Variants in CSTF2T observed in about 807,000 individuals in gnomAD.
CSTF2T encodes cleavage stimulation factor subunit 2 tau variant.
In CSTF2T, 18 loss-of-function variants were observed where a neutral mutation model predicts 39.9. That is an observed-to-expected ratio of 0.45 (90% confidence interval 0.31 to 0.67). The LOEUF is 0.67. Among genes scored for constraint, CSTF2T ranks in the 30% least tolerant of loss-of-function variants. The pLI, the probability that CSTF2T is intolerant of heterozygous loss-of-function variation, is 0.06. For missense variants in CSTF2T, 681 were observed against 789.0 expected (o/e 0.86, Z 1.64); for synonymous variants, 291 against 276.4 (o/e 1.05, Z -0.52).
chr10:51,698,269 G>T lies in CSTF2T; in HGVS notation c.1281C>A (p.Val427=). The T allele has an allele frequency of 1.9e-6, 3 of 1,613,954 alleles. No homozygotes were observed. Among genetic ancestry groups the T allele is most frequent in the Non-Finnish European group, 2.5e-6 (3 of 1,179,968 alleles). ...TCCTCTCCATTACACGTGTCTCTAA[G>T]ACCTCAGTTTCCATGGCACGAGTCT... ...AMETRAMETE[V]LETRVMERRG... Residue 427 remains valine, a synonymous_variant, in exon 1 of 1, where the codon GTC becomes GTA. Coordinates refer to ENST00000331173, the MANE Select transcript of CSTF2T (RefSeq NM_015235.3).
At position 51,698,922 on chromosome 10, in the gene CSTF2T, C is replaced by T; in HGVS notation, c.628G>A (p.Val210Ile). Residue 210 changes from valine (V) to isoleucine (I), a missense_variant, in exon 1 of 1, where the codon GTC becomes ATC. By Grantham distance (29) the Val-to-Ile change is conservative (BLOSUM62 3). Around this residue, in one of 4 missense-constraint regions of CSTF2T, gnomAD observed 329 missense variants for 344.1 expected, o/e 0.96. Coordinates refer to ENST00000331173, the MANE Select transcript of CSTF2T (RefSeq NM_015235.3). Reference protein sequence around the residue: ...LIPGKSQSVSVSGPGPGPGPG... With the variant: ...LIPGKSQSVSISGPGPGPGPG... Reference sequence around the variant, plus strand: ...CCAGGGCCAGGGCCAGGGCCAGAGACAGACACAGACTGAGATTTGCCTGGG... The same window carrying T: ...CCAGGGCCAGGGCCAGGGCCAGAGATAGACACAGACTGAGATTTGCCTGGG... 6.2e-7 allele frequency: 1 copy of T among 1,614,224 alleles called. No homozygotes were observed. Among genetic ancestry groups the T allele is most frequent in the Non-Finnish European group, 8.5e-7 (1 of 1,180,040 alleles).
chr10:51,698,789 A>C lies in CSTF2T; in HGVS notation c.761T>G (p.Met254Arg). The C allele has an allele frequency of 6.2e-7, 1 of 1,614,172 alleles. No homozygotes were observed. The highest frequency in any genetic ancestry group is 8.5e-7 in the Non-Finnish European group (1 of 1,180,038). The change falls in exon 1 of 1, where the codon ATG becomes AGG. Residue 254 changes from methionine (M) to arginine (R), a missense_variant. Around this residue, in one of 4 missense-constraint regions of CSTF2T, gnomAD observed 329 missense variants for 344.1 expected, o/e 0.96. Coordinates refer to ENST00000331173, the MANE Select transcript of CSTF2T (RefSeq NM_015235.3). ...RRPVKDIPPL[M>R]QTPIQGGIPA... ...AATTCCACCCTGGATAGGAGTCTGC[A>C]TCAGAGGAGGAATGTCCTTCACAGG...
In CSTF2T at chr10:51,695,769, A is replaced by G. The variant is rs1841273742; in HGVS notation, c.*1930T>C. On this transcript the variant is annotated 3_prime_UTR_variant, in exon 1 of 1. Transcript: ENST00000331173. ...GGTAGTAGAAAACAACAGCATAGGG[A>G]TGAAAACCTTGCAAACAAAGAATTA... 1 of 152,220 alleles carries G rather than the reference A, an allele frequency of 6.6e-6. No homozygotes were observed. Among genetic ancestry groups the G allele is most frequent in the Non-Finnish European group, 1.5e-5 (1 of 68,038 alleles). 9.4% of individuals were successfully genotyped at this position (152,220 alleles called of 1,614,324 possible).
In CSTF2T at chr10:51,699,088, G is replaced by A. The variant is rs754329910; in HGVS notation, c.462C>T (p.Ser154=). Residue 154 remains serine, a synonymous_variant, in exon 1 of 1, where the codon AGC becomes AGT. Coordinates refer to ENST00000331173, the MANE Select transcript of CSTF2T (RefSeq NM_015235.3). ...GTAACATGTTTCGAGCTTCCTGGTGGCTGTTTTGGACACAGAGCTTCATCT... is the reference window on the plus strand; with the variant it reads ...GTAACATGTTTCGAGCTTCCTGGTGACTGTTTTGGACACAGAGCTTCATCT... ...MKQMKLCVQN[S]HQEARNMLLQ... is the part of the protein sequence containing the mutation. The A allele has an allele frequency of 7.4e-6, 12 of 1,614,188 alleles. No homozygotes were observed. In the South Asian group the frequency reaches 1.2e-4, roughly 16 times the overall value.
chr10:51,699,424 A>C lies in CSTF2T; in HGVS notation c.126T>G (p.Val42=), dbSNP rs1219941814. 1 of 1,613,878 alleles carries C rather than the reference A, an allele frequency of 6.2e-7. No homozygotes were observed. The change falls in exon 1 of 1, where the codon GTT becomes GTG. Residue 42 remains valine (V), a synonymous_variant. Coordinates refer to ENST00000331173, the MANE Select transcript of CSTF2T (RefSeq NM_015235.3). ...LKDIFSEVGS[V]VSFRLVYDRE... ...TATCGTATACCAGCCGGAAACTGAC[A>C]ACAGAACCAACCTCCGAGAAAATGT...
rs1564612462 is a variant in CSTF2T at position 51,699,178 on chromosome 10, G to A, written c.372C>T (p.Ala124=). ...PYGDPIDPED[A]PESITRAVAS... Reference sequence around the variant, plus strand: ...CTACTGCTCTGGTAATCGATTCAGGGGCATCTTCTGGATCGATGGGATCCC... The same window carrying A: ...CTACTGCTCTGGTAATCGATTCAGGAGCATCTTCTGGATCGATGGGATCCC... Residue 124 remains alanine, a synonymous_variant, in exon 1 of 1, where the codon GCC becomes GCT. Transcript: ENST00000331173. The A allele has an allele frequency of 4.3e-6, 7 of 1,613,982 alleles. No individual in the cohort carries two copies. In the East Asian group the frequency reaches 1.3e-4, roughly 31 times the overall value.
At position 51,697,310 on chromosome 10, in the gene CSTF2T, T is replaced by C. The variant is rs1484465733; in HGVS notation, c.*389A>G. On this transcript the variant is annotated 3_prime_UTR_variant, in exon 1 of 1. Coordinates refer to ENST00000331173, the MANE Select transcript of CSTF2T (RefSeq NM_015235.3). Reference sequence around the variant, plus strand: ...ACAACCAAAAATCTTAAAACTATCTTAGTACATTAACGTTTTAACAGGTCA... The same window carrying C: ...ACAACCAAAAATCTTAAAACTATCTCAGTACATTAACGTTTTAACAGGTCA... 5.7e-6 allele frequency: 1 copy of C among 174,678 alleles called. No individual in the cohort carries two copies. Among genetic ancestry groups the C allele is most frequent in the Non-Finnish European group, 1.2e-5 (1 of 83,022 alleles). 10.8% of individuals were successfully genotyped at this position (174,678 alleles called of 1,614,324 possible). A position where few individuals can be genotyped will look rare whatever the true frequency, so the allele number is the denominator to read the frequency against.
rs772308214 is a variant in CSTF2T, at chr10:51,698,574, G to A, written c.976C>T (p.Pro326Ser). 7 of 1,613,828 alleles carry A rather than the reference G, an allele frequency of 4.3e-6. No homozygotes were observed. The African/African-American group carries it at 9.3e-5, about 22-fold the overall frequency. The change falls in exon 1 of 1, where the codon CCT (proline) becomes TCT (serine). Residue 326 changes from proline (P) to serine (S), a missense_variant. Pro to Ser is a moderately conservative substitution (Grantham distance 74). Coordinates refer to ENST00000331173, the MANE Select transcript of CSTF2T (RefSeq NM_015235.3). ...GGAGCATCTCCTAACAGTCCTCGAG[G>A]AGGCAGACCACCAGGAGTCACGGGT... ...RGPVTPGGLP[P>S]RGLLGDAPND...
At position 51,698,340 on chromosome 10, in the gene CSTF2T, C is replaced by G; in HGVS notation, c.1210G>C (p.Gly404Arg). ...EPRGPMIDQR[G>R]LPMDGRGGRD... ...CCACCTCTACCATCCATAGGTAGAC[C>G]CCTTTGATCTATCATGGGGCCTCTG... The change falls in exon 1 of 1, where the codon GGT becomes CGT. Residue 404 changes from glycine to arginine, a missense_variant. By Grantham distance (125) the Gly-to-Arg change is moderately radical. This residue lies in a region of CSTF2T where 282 missense variants were observed against 289.2 expected (regional missense o/e 0.98). Transcript: ENST00000331173. 4.3e-6 allele frequency: 7 copies of G among 1,614,178 alleles called. No individual in the cohort carries two copies. The highest frequency in any genetic ancestry group is 5.9e-6 in the Non-Finnish European group (7 of 1,180,028).
In CSTF2T at chr10:51,697,946, C is replaced by G; in HGVS notation, c.1604G>C (p.Gly535Ala). 5 of 1,598,286 alleles carry G rather than the reference C, an allele frequency of 3.1e-6. No individual in the cohort carries two copies. Among genetic ancestry groups the G allele is most frequent in the Non-Finnish European group, 4.3e-6 (5 of 1,172,224 alleles). The change falls in exon 1 of 1, where the codon GGA becomes GCA. Residue 535 changes from glycine (G) to alanine (A), a missense_variant. Gly to Ala is a moderately conservative substitution (Grantham distance 60, BLOSUM62 0). Transcript: ENST00000331173. Reference protein sequence around the residue: ...GGGMQGAGIQGVSIQGGGIQG... With the variant: ...GGGMQGAGIQAVSIQGGGIQG... The stretch of plus-strand genomic sequence containing the variant: ...TATACCTCCTCCTTGTATACTGACT[C>G]CTTGTATGCCTGCCCCCTGCATCCC...
Position 51,699,591 on chromosome 10 carries a change from C to T in CSTF2T, c.-42G>A, listed in dbSNP as rs1183024455. 3.2e-6 allele frequency: 5 copies of T among 1,567,356 alleles called. No homozygotes were observed. Among genetic ancestry groups the T allele is most frequent in the Non-Finnish European group, 4.3e-6 (5 of 1,158,308 alleles). On this transcript the variant is annotated 5_prime_UTR_variant, in exon 1 of 1. Transcript: ENST00000331173. Reference sequence around the variant, plus strand: ...ACAGCCGATAGCGGATTCTTCGAGGCGTCTGTCCTCTTGCGACCGACACTT... The same window carrying T: ...ACAGCCGATAGCGGATTCTTCGAGGTGTCTGTCCTCTTGCGACCGACACTT...
Position 51,697,995 on chromosome 10 carries a change from G to C in CSTF2T, c.1555C>G (p.Gln519Glu), listed in dbSNP as rs766268223. 22 of 1,611,692 alleles carry C rather than the reference G, an allele frequency of 1.4e-5. No individual in the cohort carries two copies. The Admixed American group carries it at 3.7e-4, about 27-fold the overall frequency. The change falls in exon 1 of 1, where the codon CAG becomes GAG. Residue 519 changes from glutamine to glutamate, a missense_variant. Gln to Glu is a conservative substitution (Grantham distance 29, BLOSUM62 2). Transcript: ENST00000331173. ...QGTGIQGTGM[Q>E]GAGIQGGGMQ... ...CCTCCTCCTTGTATGCCTGCTCCCT[G>C]CATGCCTGTTCCTTGTATGCCTGTA...
rs926658890 is a variant in CSTF2T at position 51,698,852 on chromosome 10, T to C, written c.698A>G (p.Asn233Ser). Reference protein sequence around the residue: ...PGPNVLLNQQNPPAPQPQHLA... With the variant: ...PGPNVLLNQQSPPAPQPQHLA... ...ATGCTGAGGCTGAGGAGCTGGAGGA[T>C]TCTGCTGGTTCAGCAGAACATTAGG... The change falls in exon 1 of 1, where the codon AAT (asparagine) becomes AGT (serine). Residue 233 changes from asparagine to serine, a missense_variant. Asn to Ser is a conservative substitution (Grantham distance 46). Around this residue, in one of 4 missense-constraint regions of CSTF2T, gnomAD observed 329 missense variants for 344.1 expected, o/e 0.96. Coordinates refer to ENST00000331173, the MANE Select transcript of CSTF2T (RefSeq NM_015235.3). 5.0e-6 allele frequency: 8 copies of C among 1,614,044 alleles called. No individual in the cohort carries two copies. Among genetic ancestry groups the C allele is most frequent in the African/African-American group, 1.3e-5 (1 of 74,938 alleles).
In CSTF2T at chr10:51,697,303, AC is replaced by A. The variant is rs1841320900; in HGVS notation, c.*395del. On this transcript the variant is annotated 3_prime_UTR_variant, in exon 1 of 1. Transcript: ENST00000331173. ...TTGTTATACAACCAAAAATCTTAAA[AC>A]TATCTTAGTACATTAACGTTTTAAC... 2 of 165,444 alleles carry A rather than the reference AC, an allele frequency of 1.2e-5. No homozygotes were observed. The highest frequency in any genetic ancestry group is 2.6e-5 in the Non-Finnish European group (2 of 77,334). 10.2% of individuals were successfully genotyped at this position (165,444 alleles called of 1,614,324 possible). A position where few individuals can be genotyped will look rare whatever the true frequency, so the allele number is the denominator to read the frequency against.
Position 51,699,462 on chromosome 10 carries a change from C to G in CSTF2T, c.88G>C (p.Glu30Gln). ...VGNIPYEATE[E>Q]QLKDIFSEVG... ...TCCGAGAAAATGTCCTTTAACTGCT[C>G]CTCAGTTGCCTCATATGGAATGTTC... is the stretch of plus-strand genomic sequence containing the variant. The change falls in exon 1 of 1, where the codon GAG (glutamate) becomes CAG (glutamine). Residue 30 changes from glutamate to glutamine, a missense_variant. Around this residue, in one of 4 missense-constraint regions of CSTF2T, gnomAD observed 65 missense variants for 134.2 expected, o/e 0.48. Transcript: ENST00000331173. The G allele has an allele frequency of 1.2e-6, 2 of 1,614,010 alleles. No homozygotes were observed. The highest frequency in any genetic ancestry group is 1.7e-6 in the Non-Finnish European group (2 of 1,179,994).
chr10:51,699,456 A>T lies in CSTF2T; in HGVS notation c.94T>A (p.Leu32Ile). 1 of 1,613,856 alleles carries T rather than the reference A, an allele frequency of 6.2e-7. No individual in the cohort carries two copies. The highest frequency in any genetic ancestry group is 8.5e-7 in the Non-Finnish European group (1 of 1,179,970). ...NIPYEATEEQ[L>I]KDIFSEVGSV... ...CCAACCTCCGAGAAAATGTCCTTTA[A>T]CTGCTCCTCAGTTGCCTCATATGGA... The change falls in exon 1 of 1, where the codon TTA becomes ATA. Residue 32 changes from leucine to isoleucine, a missense_variant. Physicochemically the swap from Leu to Ile is conservative, Grantham distance 5 (BLOSUM62 2). Around this residue, in one of 4 missense-constraint regions of CSTF2T, gnomAD observed 65 missense variants for 134.2 expected, o/e 0.48. Coordinates refer to ENST00000331173, the MANE Select transcript of CSTF2T (RefSeq NM_015235.3).
Position 51,698,655 on chromosome 10 carries a change from G to A in CSTF2T, c.895C>T (p.Pro299Ser). 4 of 1,614,150 alleles carry A rather than the reference G, an allele frequency of 2.5e-6. No individual in the cohort carries two copies. The highest frequency in any genetic ancestry group is 2.5e-6 in the Non-Finnish European group (3 of 1,180,030). Reference protein sequence around the residue: ...QLGMPGVGPVPLERGQVQMSD... With the variant: ...QLGMPGVGPVSLERGQVQMSD... ...ATCTGCACTTGTCCCCGCTCTAAAG[G>A]CACTGGGCCAACCCCTGGCATTCCA... Residue 299 changes from proline to serine, a missense_variant, in exon 1 of 1, where the codon CCT becomes TCT. By Grantham distance (74) the Pro-to-Ser change is moderately conservative. This residue lies in a region of CSTF2T where 329 missense variants were observed against 344.1 expected (regional missense o/e 0.96). Transcript: ENST00000331173.
chr10:51,698,319 C>A lies in CSTF2T; in HGVS notation c.1231G>T (p.Gly411Cys), dbSNP rs761210544. 4.3e-6 allele frequency: 7 copies of A among 1,614,172 alleles called. No individual in the cohort carries two copies. In the South Asian group the frequency reaches 7.7e-5, roughly 18 times the overall value. ...TCCATCGCTCGAGAATCTCTACCAC[C>A]TCTACCATCCATAGGTAGACCCCTT... ...DQRGLPMDGR[G>C]GRDSRAMETR... The change falls in exon 1 of 1, where the codon GGT (glycine) becomes TGT (cysteine). Residue 411 changes from glycine (G) to cysteine (C), a missense_variant. Gly to Cys is a radical substitution (Grantham distance 159). This residue lies in a region of CSTF2T where 282 missense variants were observed against 289.2 expected (regional missense o/e 0.98). Coordinates refer to ENST00000331173, the MANE Select transcript of CSTF2T (RefSeq NM_015235.3).
Position 51,697,622 on chromosome 10 carries a change from G to T in CSTF2T, c.*77C>A. 1 of 1,402,546 alleles carries T rather than the reference G, an allele frequency of 7.1e-7. No individual in the cohort carries two copies. 86.9% of individuals were successfully genotyped at this position (1,402,546 alleles called of 1,614,324 possible). A position where few individuals can be genotyped will look rare whatever the true frequency, so the allele number is the denominator to read the frequency against. ...ACCCTAATCCAAGTGTGGGGATACA[G>T]AAGTCAGCTTTTTGCACCCATTCTC... On this transcript the variant is annotated 3_prime_UTR_variant, in exon 1 of 1. Coordinates refer to ENST00000331173, the MANE Select transcript of CSTF2T (RefSeq NM_015235.3).
Sources: allele counts gnomAD v4.1 joint callset, GRCh38; gene constraint gnomAD v4.1.1; regional missense constraint gnomAD v4.1.1; transcripts MANE v1.5; gene names NCBI Gene and HGNC (gene_info 2026-07-23, HGNC 2026-07-21).